ZNF385D: variants seen among roughly 807,000 people sequenced by gnomAD.
ZNF385D encodes zinc finger protein 385D, also known as zinc finger protein 659.
A neutral mutation model predicts 35.8 loss-of-function variants in ZNF385D; 15 were observed. The ratio of observed to expected loss-of-function variants is 0.42; its 90% CI spans 0.28 to 0.64. The LOEUF is 0.64. Among genes scored for constraint, ZNF385D ranks in the 30% least tolerant of loss-of-function variants. The probability of loss-of-function intolerance (pLI) is 0.23; values close to 1 mark genes in which losing one functional copy is unlikely to be tolerated. For synonymous variants in ZNF385D, 212 were observed against 186.8 expected (o/e 1.13, Z -1.10); for missense variants, 474 against 494.6 (o/e 0.96, Z 0.39).
chr3:21,421,034 T>TTCCCC lies in ZNF385D; in HGVS notation c.*179_*180insGGGGA. The stretch of plus-strand genomic sequence containing the variant: ...TGCTTTAATTTGGAGAAAATACCAC[T>TTCCCC]CCCTCCCTCCCACCCCCAAACCTCC... On this transcript the variant is annotated 3_prime_UTR_variant, in exon 8 of 8. Coordinates refer to ENST00000281523, the MANE Select transcript of ZNF385D (RefSeq NM_024697.3). 2 of 167,808 alleles carry TTCCCC rather than the reference T, an allele frequency of 1.2e-5. No homozygotes were observed. The highest frequency in any genetic ancestry group is 2.4e-5 in the Non-Finnish European group (2 of 84,656). 10.4% of individuals were successfully genotyped at this position (167,808 alleles called of 1,614,324 possible).
chr3:21,483,303 T>C (rs1419222311), intron 4 of ZNF385D, among the ~76,000 whole-genome samples: 2 of 152,188 alleles, frequency 1.3e-5, no homozygotes, highest in Admixed American at 1.3e-4. Flanking sequence ...ATCCAAATTA[T>C]ACATATCAAT....
chr3:21,421,475 A>C, intron 7 of ZNF385D, 28 bp from the exon 8 acceptor site: 2 of 1,565,894 alleles, frequency 1.3e-6, no homozygotes, highest in Non-Finnish European at 1.7e-6. Flanking sequence ...TATTGTAAAA[A>C]AAACAACAGT....
At chr3:21,897,630 C>T (rs1047901967) in intron 3 of ZNF385D, among the ~76,000 whole-genome samples, 2 of 152,056 alleles carry the variant, frequency 1.3e-5, no homozygotes, top group Admixed American at 6.6e-5. Context: ...AAACATCAAA[C>T]AGATTTTTTT....
intron 3 of ZNF385D, among the ~76,000 whole-genome samples, chr3:21,819,398 A>G (rs1478163057): frequency 1.3e-5 from 2 of 151,444 alleles, no homozygotes; most frequent in Admixed American, 6.6e-5. Flanking sequence ...ACAGAAAAAA[A>G]TCTGAAAGTA....
intron 2 of ZNF385D, among the ~76,000 whole-genome samples, chr3:22,337,597 C>T (rs1001443849): frequency 1.3e-5 from 2 of 152,000 alleles, no homozygotes; most frequent in East Asian, 1.9e-4. Flanking sequence ...TAGAACTCAC[C>T]GAAAATGCCC....
chr3:21,817,614 G>A (rs1033263944), intron 3 of ZNF385D, among the ~76,000 whole-genome samples: 9 of 152,096 alleles, frequency 5.9e-5, no homozygotes, highest in East Asian at 1.9e-4. Flanking sequence ...GCAAATCAAA[G>A]CCACAATGAG....
intron 3 of ZNF385D, chr3:21,942,631 C>T (rs918721347): frequency 3.3e-5 from 5 of 152,084 alleles, no homozygotes; most frequent in African/African-American, 9.7e-5. Flanking sequence ...AAGTATGGCC[C>T]GTGGTAACAT....
intron 3 of ZNF385D, among the ~76,000 whole-genome samples, chr3:21,932,166 C>CAAAAAAAAAAAAAAAAAAAAAAAAAA (rs543138588): frequency 5.4e-5 from 3 of 55,338 alleles, no homozygotes; most frequent in African/African-American, 2.4e-4. Context: ...GACTCATTCT[C>CAAAAAAAAAAAAAAAAAAAAAAAAAA]AAAAAAAAAA....
rs971211072 is a variant in ZNF385D at position 21,926,271 on chromosome 3, C to G, written c.325+242546G>C. Reference sequence around the variant, plus strand: ...TCTTCATTAGGTATTTCTCCTAATGCTATCCCTCCCCTAGTCCCTCATCCC... The same window carrying G: ...TCTTCATTAGGTATTTCTCCTAATGGTATCCCTCCCCTAGTCCCTCATCCC... On this transcript the variant is annotated intron_variant, in intron 3 of 5. Transcript: ENST00000494108. Among the ~76,000 whole-genome samples the G allele has an allele frequency of 5.3e-5, 8 of 151,698 alleles. No individual in the cohort carries two copies. In the East Asian group the frequency reaches 1.5e-3, roughly 29 times the overall value.
At chr3:21,671,551 G>A (rs1448409006) in intron 1 of ZNF385D, among the ~76,000 whole-genome samples, 2 of 152,036 alleles carry the variant, frequency 1.3e-5, no homozygotes, top group African/African-American at 4.8e-5. Flanking sequence ...CAAAAGCCAA[G>A]CTTCTAGGAA....
At position 22,204,621 on chromosome 3, in the gene ZNF385D, GAGAA is replaced by G. The variant is rs201054152; in HGVS notation, c.107-35590_107-35587del. Among the ~76,000 whole-genome samples the G allele has an allele frequency of 2.1e-3, 320 of 151,974 alleles. 2 individuals are homozygous for G. The highest frequency in any genetic ancestry group is 0.014 in the East Asian group (73 of 5,148). On this transcript the variant is annotated intron_variant, in intron 2 of 5. Coordinates refer to the ZNF385D transcript ENST00000494108. ...ACTCAAAGAAATTCAAGAAAATACA[GAGAA>G]AGAATTTAGAATTCTACCAGATATA...
At chr3:22,033,707 A>G (rs1386676490) in intron 3 of ZNF385D, among the ~76,000 whole-genome samples, 2 of 152,124 alleles carry the variant, frequency 1.3e-5, no homozygotes, top group Non-Finnish European at 2.9e-5. Flanking sequence ...TATTCCTTGA[A>G]CAATCTGTGA....
rs979758705 is a variant in ZNF385D, at chr3:21,927,653, T to C, written c.325+241164A>G. Among the ~76,000 whole-genome samples the C allele has an allele frequency of 3.9e-5, 6 of 152,216 alleles. No homozygotes were observed. The East Asian group carries it at 1.2e-3, about 29-fold the overall frequency. On this transcript the variant is annotated intron_variant, in intron 3 of 5. Coordinates refer to the ZNF385D transcript ENST00000494108. ...AATAAGTTTAAGCAAAGGTTTGCTA[T>C]GCACAATGTAAACATAATAGAGCTA...
chr3:21,615,574 A>T (rs1301312765), intron 2 of ZNF385D, among the ~76,000 whole-genome samples: 1 of 152,118 alleles, frequency 6.6e-6, no homozygotes, highest in African/African-American at 2.4e-5. Context: ...TAACTTCTGT[A>T]TTTTATTCTC....
intron 4 of ZNF385D, among the ~76,000 whole-genome samples, chr3:21,473,486 T>G (rs1428296774): frequency 2.0e-5 from 3 of 152,114 alleles, no homozygotes; most frequent in Non-Finnish European, 4.4e-5. Flanking sequence ...TATGTGTGGT[T>G]GTTTTCTAGT....
intron 4 of ZNF385D, among the ~76,000 whole-genome samples, chr3:21,490,702 A>G (rs1203380608): frequency 2.0e-5 from 3 of 151,942 alleles, no homozygotes; most frequent in Non-Finnish European, 4.4e-5. Context: ...ATCAGGTATC[A>G]TTGTCAAATT....
At chr3:21,827,881 G>A (rs768683613) in intron 3 of ZNF385D, among the ~76,000 whole-genome samples, 7 of 152,180 alleles carry the variant, frequency 4.6e-5, no homozygotes, top group Admixed American at 2.0e-4. Flanking sequence ...TGTAGCATAT[G>A]TTTCTATATT....
chr3:21,642,034 T>C (rs1189271939), intron 2 of ZNF385D, among the ~76,000 whole-genome samples: 3 of 152,082 alleles, frequency 2.0e-5, no homozygotes, highest in Non-Finnish European at 4.4e-5. Flanking sequence ...ACAGGCAACA[T>C]GGCACTGGCC....
chr3:22,032,926 A>G (rs1183002314), intron 3 of ZNF385D, among the ~76,000 whole-genome samples: 4 of 152,156 alleles, frequency 2.6e-5, no homozygotes, highest in South Asian at 2.1e-4. Flanking sequence ...TAACTTGCCC[A>G]AAGTCCCACA....
Sources: gnomAD v4.1 joint callset for allele counts (sites outside exome capture counted in the v4.1 genomes callset) on GRCh38, gnomAD v4.1.1 for gene constraint, MANE v1.5 for transcripts, NCBI Gene and HGNC (gene_info 2026-07-23, HGNC 2026-07-21) for gene names.